ACAD10: variants seen among roughly 807,000 people sequenced by gnomAD.
ACAD10 encodes ACAD-10.
ACAD10 carries 112 observed loss-of-function variants against 116.8 expected under a neutral mutation model. The ratio of observed to expected loss-of-function variants is 0.96; its 90% CI spans 0.82 to 1.12. The LOEUF is 1.12. ACAD10 is among the 50% of genes most tolerant of loss of function. The probability of loss-of-function intolerance (pLI) is 0.00; values close to 1 mark genes in which losing one functional copy is unlikely to be tolerated. For missense variants in ACAD10, 1,259 were observed against 1,350.2 expected, an observed-to-expected ratio of 0.93 and a Z score of 1.06; for synonymous variants, 486 against 510.6, an observed-to-expected ratio of 0.95 and a Z score of 0.65.
At chr12:111,724,797 G>GGGAGA (rs1490130700) in intron 8 of ACAD10, among the ~76,000 whole-genome samples, 2 of 148,006 alleles carry the variant, frequency 1.4e-5, no homozygotes, top group Admixed American at 6.7e-5. Context: ...AGAGAGGGAG[G>GGGAGA]GGAGACCGTG....
intron 13 of ACAD10, among the ~76,000 whole-genome samples, chr12:111,745,866 G>A (rs112753775): frequency 7.3e-5 from 10 of 137,072 alleles, no homozygotes; most frequent in African/African-American, 2.7e-4. Context: ...TTTTGAGACA[G>A]GGTCTCGCTT....
chr12:111,698,553 C>T (rs1888256817), intron 2 of ACAD10, among the ~76,000 whole-genome samples: 1 of 151,830 alleles, frequency 6.6e-6, no homozygotes, highest in South Asian at 2.1e-4. Flanking sequence ...TCTTGGCTCA[C>T]CACAACTTCT....
At chr12:111,693,399 A>G (rs1165542232) in intron 2 of ACAD10, among the ~76,000 whole-genome samples, 1 of 152,160 alleles carries the variant, frequency 6.6e-6, no homozygotes, top group Non-Finnish European at 1.5e-5. Context: ...TTATCTGGGC[A>G]TGATGACAGG....
intron 14 of ACAD10, 107 bp downstream of exon 14, chr12:111,746,391 C>CA: frequency 9.9e-7 from 1 of 1,012,778 alleles, no homozygotes; most frequent in Non-Finnish European, 1.3e-6. Context: ...TGAACTTGAA[C>CA]TTTTTTTTTT....
At chr12:111,702,782 A>G (rs866753324) in intron 3 of ACAD10, among the ~76,000 whole-genome samples, 2 of 152,138 alleles carry the variant, frequency 1.3e-5, no homozygotes, top group African/African-American at 2.4e-5. Flanking sequence ...TCAATGTTCA[A>G]TTCATATATG....
Position 111,705,732 on chromosome 12 carries a change from TCTTA to T in ACAD10, c.337-5_337-2del, listed in dbSNP as rs768424295. ...GCTGTTCTCCTGTGCCCTCTCCTGT[TCTTA>T]GTTAAAGACCTCCGTGCCTGTGGAC... On this transcript the variant is annotated splice_acceptor_variant and splice_polypyrimidine_tract_variant and intron_variant, in intron 3 of 20. Coordinates refer to ENST00000313698, the MANE Select transcript of ACAD10 (RefSeq NM_025247.6). LOFTEE classifies it high-confidence loss of function. 14 of 1,613,366 alleles carry T rather than the reference TCTTA, an allele frequency of 8.7e-6. No individual in the cohort carries two copies. The Admixed American group carries it at 1.7e-4, about 19-fold the overall frequency.
intron 7 of ACAD10, among the ~76,000 whole-genome samples, chr12:111,717,416 C>G (rs1362900417): frequency 1.3e-5 from 2 of 151,616 alleles, no homozygotes; most frequent in African/African-American, 4.8e-5. Context: ...GTGCTAGAGT[C>G]TGGCTTTATA....
chr12:111,734,579 A>G (rs2135979428), intron 11 of ACAD10, among the ~76,000 whole-genome samples: 1 of 152,266 alleles, frequency 6.6e-6, no homozygotes, highest in East Asian at 1.9e-4. Flanking sequence ...AGCTGAGATC[A>G]TGCCATTGCA....
intron 2 of ACAD10, among the ~76,000 whole-genome samples, chr12:111,696,908 C>T (rs1176503615): frequency 6.6e-6 from 1 of 151,868 alleles, no homozygotes. Context: ...GGTGAAACCC[C>T]GTCTCTACTA....
At chr12:111,741,712 G>A (rs958543400) in intron 12 of ACAD10, among the ~76,000 whole-genome samples, 2 of 152,170 alleles carry the variant, frequency 1.3e-5, no homozygotes, top group Admixed American at 6.5e-5. Flanking sequence ...ATATAAAAAC[G>A]TATGATGAAT....
At chr12:111,750,381 A>G (rs187804340) in intron 18 of ACAD10, among the ~76,000 whole-genome samples, 194 of 152,014 alleles carry the variant, frequency 1.3e-3, no homozygotes, top group African/African-American at 4.1e-3. Context: ...CAGCCTCCCA[A>G]TGTGCTGGGA....
intron 12 of ACAD10, among the ~76,000 whole-genome samples, chr12:111,741,297 CT>C (rs1449313509): frequency 6.6e-6 from 1 of 152,144 alleles, no homozygotes; most frequent in African/African-American, 2.4e-5. Context: ...AACAGAATGG[CT>C]GCTAAGTCCT....
intron 18 of ACAD10, 60 bp downstream of exon 18, chr12:111,749,405 C>A: frequency 1.9e-6 from 3 of 1,559,386 alleles, no homozygotes; most frequent in Non-Finnish European, 2.6e-6. Context: ...GCTTTGCTGT[C>A]GGACTTCAAT....
At position 111,748,423 on chromosome 12, in the gene ACAD10, A is replaced by C. The variant is rs745817723; in HGVS notation, c.2592A>C (p.Pro864=). 6.2e-7 allele frequency: 1 copy of C among 1,614,118 alleles called. No homozygotes were observed. Among genetic ancestry groups the C allele is most frequent in the South Asian group, 1.1e-5 (1 of 91,084 alleles). ...TGCTCTTGGTTCCCATGGATACCCCAGGGATAAAAATCATCCGGCCTCTGA... is the reference window on the plus strand; with the variant it reads ...TGCTCTTGGTTCCCATGGATACCCCCGGGATAAAAATCATCCGGCCTCTGA... ...QSVLLVPMDT[P]GIKIIRPLTV... is the part of the protein sequence containing the mutation. The change falls in exon 17 of 21, where the codon CCA becomes CCC. Residue 864 remains proline (P), a synonymous_variant. Transcript: ENST00000313698.
At position 111,748,605 on chromosome 12, in the gene ACAD10, C is replaced by T. The variant is rs1468197565; in HGVS notation, c.2644+130C>T. The T allele has an allele frequency of 3.3e-5, 31 of 953,132 alleles. 2 individuals carry two copies. In the South Asian group the frequency reaches 5.0e-4, roughly 16 times the overall value. 59.0% of individuals were successfully genotyped at this position (953,132 alleles called of 1,614,324 possible). On this transcript the variant is annotated intron_variant, in intron 17 of 20. Coordinates refer to ENST00000313698, the MANE Select transcript of ACAD10 (RefSeq NM_025247.6). ...GAGGGTATGATGACATTTGGAGTCA[C>T]ATGCTCCTGCATTTCATTTCCATAC...
chr12:111,753,900 C>T lies in ACAD10; in HGVS notation c.2946C>T (p.Asp982=). Reference sequence around the variant, plus strand: ...TGCTGAGAGCTGCCCACCTCATGGACCTGGCAGGAAACAAGGTAGGGGCAG... The same window carrying T: ...TGCTGAGAGCTGCCCACCTCATGGATCTGGCAGGAAACAAGGTAGGGGCAG... ...LLVLRAAHLM[D]LAGNKAAALD... The change falls in exon 19 of 21, where the codon GAC becomes GAT. Residue 982 remains aspartate, a synonymous_variant. Transcript: ENST00000313698. The T allele has an allele frequency of 6.2e-7, 1 of 1,606,698 alleles. No individual in the cohort carries two copies. Among genetic ancestry groups the T allele is most frequent in the Non-Finnish European group, 8.5e-7 (1 of 1,175,068 alleles).
At position 111,748,442 on chromosome 12, in the gene ACAD10, C is replaced by T. The variant is rs763234817; in HGVS notation, c.2611C>T (p.Pro871Ser). Residue 871 changes from proline to serine, a missense_variant, in exon 17 of 21, where the codon CCT becomes TCT. Pro to Ser is a moderately conservative substitution (Grantham distance 74). Coordinates refer to ENST00000313698, the MANE Select transcript of ACAD10 (RefSeq NM_025247.6). ...MDTPGIKIIR[P>S]LTVYGLEDAP... ...TACCCCAGGGATAAAAATCATCCGG[C>T]CTCTGACGGTGTATGGACTGGAAGA... 2 of 1,613,886 alleles carry T rather than the reference C, an allele frequency of 1.2e-6. No homozygotes were observed. Among genetic ancestry groups the T allele is most frequent in the African/African-American group, 1.3e-5 (1 of 75,016 alleles).
chr12:111,747,629 C>T lies in ACAD10; in HGVS notation c.2485+244C>T, dbSNP rs566022199. The T allele has an allele frequency of 2.8e-4, 367 of 1,327,218 alleles. 10 individuals carry two copies. In the South Asian group the frequency reaches 5.7e-3, roughly 21 times the overall value. The allele number at this position is 1,327,218 out of a possible 1,614,324, so 82.2% of individuals were successfully genotyped here. ...GGTGCCCACACATGGACGGATGCCT[C>T]CCTGCACATGTGACCCCAGGAATCT... On this transcript the variant is annotated intron_variant, in intron 16 of 20. Coordinates refer to ENST00000313698, the MANE Select transcript of ACAD10 (RefSeq NM_025247.6).
intron 1 of ACAD10, among the ~76,000 whole-genome samples, chr12:111,688,810 AC>A (rs58981914): frequency 0.015 from 2,315 of 150,854 alleles, 69 homozygotes; most frequent in African/African-American, 0.053. Flanking sequence ...TCAAAACAAA[AC>A]AAAAAAAAGA....
Sources: gnomAD v4.1 joint callset for allele counts (sites outside exome capture counted in the v4.1 genomes callset) on GRCh38, gnomAD v4.1.1 for gene constraint, MANE v1.5 for transcripts, NCBI Gene and HGNC (gene_info 2026-07-23, HGNC 2026-07-21) for gene names.